The following COL16A1 variants were observed in gnomAD, a reference collection of about 807,000 sequenced individuals.
COL16A1 encodes collagen alpha-1(XVI) chain.
In COL16A1, 189 loss-of-function variants were observed where a neutral mutation model predicts 266.3. The ratio of observed to expected loss-of-function variants is 0.71; its 90% CI spans 0.63 to 0.80. COL16A1 has a LOEUF of 0.80. Among genes scored for constraint, COL16A1 ranks in the 30% least tolerant of loss-of-function variants. The probability of loss-of-function intolerance (pLI) is 0.00; values close to 1 mark genes in which losing one functional copy is unlikely to be tolerated. For missense variants in COL16A1, 1,928 were observed against 2,122.4 expected, an observed-to-expected ratio of 0.91 and a Z score of 1.80; for synonymous variants, 740 against 782.3, an observed-to-expected ratio of 0.95 and a Z score of 0.90.
At position 31,661,096 on chromosome 1, in the gene COL16A1, G is replaced by A. The variant is rs1332888217; in HGVS notation, c.3795C>T (p.Pro1265=). Residue 1265 remains proline, a synonymous_variant, in exon 61 of 71, where the codon CCC becomes CCT. Coordinates refer to ENST00000373672, the MANE Select transcript of COL16A1 (RefSeq NM_001856.4). ...GPKGDCGKPG[P]PGSTGRPGAE... The stretch of plus-strand genomic sequence containing the variant: ...CGCCAGGCCGGCCAGTGCTGCCAGG[G>A]GGACCTGGTTTGCCACAGTCACCCT... The A allele has an allele frequency of 6.4e-7, 1 of 1,565,776 alleles. No homozygotes were observed. The highest frequency in any genetic ancestry group is 1.2e-5 in the South Asian group (1 of 85,134).
At chr1:31,690,006 G>C in intron 22 of COL16A1, 155 bp from the exon 23 acceptor site, 1 of 655,894 alleles carries the variant, frequency 1.5e-6, no homozygotes, top group South Asian at 1.9e-5. Context: ...GGGGCTTCCT[G>C]TTCAACTGAC....
chr1:31,666,001 C>G (rs1364840190), intron 53 of COL16A1, 36 bp downstream of exon 53: 2 of 1,613,554 alleles, frequency 1.2e-6, no homozygotes, highest in Non-Finnish European at 1.7e-6. Context: ...CAGGACAAGA[C>G]CAGGACCACA....
At chr1:31,676,278 T>C (rs977515352) in intron 42 of COL16A1, among the ~76,000 whole-genome samples, 2 of 147,590 alleles carry the variant, frequency 1.4e-5, no homozygotes, top group South Asian at 2.1e-4. Flanking sequence ...TGAGCCAAGA[T>C]TACGCCACTA....
In COL16A1 at chr1:31,656,150, G is replaced by T; in HGVS notation, c.4101+250C>A. On this transcript the variant is annotated intron_variant, in intron 66 of 70. Transcript: ENST00000373672. The surrounding 1 kb of genome is among the most constrained non-coding windows in gnomAD (Gnocchi z 4.2). Reference sequence around the variant, plus strand: ...TGAGCAGGAGCAAGGGAGTGCTCGGGAAATGGAAACAATGAATGAATCAAT... The same window carrying T: ...TGAGCAGGAGCAAGGGAGTGCTCGGTAAATGGAAACAATGAATGAATCAAT... 1.6e-6 allele frequency: 1 copy of T among 615,876 alleles called. No individual in the cohort carries two copies. 38.2% of individuals were successfully genotyped at this position (615,876 alleles called of 1,614,324 possible). A position where few individuals can be genotyped will look rare whatever the true frequency, so the allele number is the denominator to read the frequency against.
Position 31,662,558 on chromosome 1 carries a change from T to C in COL16A1, c.3627+29A>G, listed in dbSNP as rs75845483. The C allele has an allele frequency of 1.9e-5, 30 of 1,558,258 alleles. No homozygotes were observed. The South Asian group carries it at 3.4e-4, about 18-fold the overall frequency. ...CACACATGCGCATGCATCGCACACG[T>C]CTGCCACGCTGAAAGGGCACACACT... On this transcript the variant is annotated intron_variant, in intron 57 of 70. Transcript: ENST00000373672.
In COL16A1 at chr1:31,657,239, C is replaced by T. The variant is rs1326572433; in HGVS notation, c.4021-171G>A. 1.4e-6 allele frequency: 1 copy of T among 720,450 alleles called. No individual in the cohort carries two copies. Among genetic ancestry groups the T allele is most frequent in the Non-Finnish European group, 2.4e-6 (1 of 422,024 alleles). The allele number at this position is 720,450 out of a possible 1,614,324, so 44.6% of individuals were successfully genotyped here. ...CAGGCCGTGGAAACTTAGACCCCCA[C>T]CCCATACTCCAGCGTGATCCCAGAG... On this transcript the variant is annotated intron_variant, in intron 64 of 70. Coordinates refer to ENST00000373672, the MANE Select transcript of COL16A1 (RefSeq NM_001856.4). This position sits in a 1 kb window ranked among gnomAD's most constrained non-coding sequence, Gnocchi z 6.4.
intron 53 of COL16A1, 50 bp downstream of exon 53, chr1:31,665,987 A>G (rs1553160575): frequency 6.2e-7 from 1 of 1,612,434 alleles, no homozygotes; most frequent in South Asian, 1.1e-5. Flanking sequence ...CTGCCCTCAG[A>G]CCCCAGGACA....
At position 31,666,099 on chromosome 1, in the gene COL16A1, C is replaced by A. The variant is rs773047986; in HGVS notation, c.3358-18G>T. 3.7e-6 allele frequency: 6 copies of A among 1,605,884 alleles called. No individual in the cohort carries two copies. The highest frequency in any genetic ancestry group is 1.7e-4 in the Middle Eastern group (1 of 6,006). On this transcript the variant is annotated intron_variant, in intron 52 of 70. Transcript: ENST00000373672. The stretch of plus-strand genomic sequence containing the variant: ...GGGGGGCCCTAAGGATACAAAGGAA[C>A]AGAATCAGTCACTCCTCCTGGGGAG...
At chr1:31,692,957 G>T in intron 13 of COL16A1, 135 bp downstream of exon 13, 1 of 955,650 alleles carries the variant, frequency 1.0e-6, no homozygotes, top group Non-Finnish European at 1.6e-6. Flanking sequence ...AAAGACCCTG[G>T]CCCTCACCCC....
At chr1:31,661,170 C>T in intron 60 of COL16A1, 51 bp from the exon 61 acceptor site, 1 of 1,546,254 alleles carries the variant, frequency 6.5e-7, no homozygotes, top group South Asian at 1.2e-5. Context: ...CTTGACATCC[C>T]TACCCCAAGT....
At chr1:31,660,548 C>T (rs991163950) in intron 62 of COL16A1, 37 bp downstream of exon 62, 5 of 1,612,410 alleles carry the variant, frequency 3.1e-6, no homozygotes, top group Non-Finnish European at 3.4e-6. Context: ...AAAATGCTAA[C>T]TCTTATGGAG....
rs1039581402 is a variant in COL16A1 at position 31,670,737 on chromosome 1, G to T, written c.3151-91C>A. 7 of 1,111,272 alleles carry T rather than the reference G, an allele frequency of 6.3e-6. No homozygotes were observed. The highest frequency in any genetic ancestry group is 7.2e-6 in the Non-Finnish European group (6 of 828,074). 68.8% of individuals were successfully genotyped at this position (1,111,272 alleles called of 1,614,324 possible). A position where few individuals can be genotyped will look rare whatever the true frequency, so the allele number is the denominator to read the frequency against. On this transcript the variant is annotated intron_variant, in intron 48 of 70. Coordinates refer to ENST00000373672, the MANE Select transcript of COL16A1 (RefSeq NM_001856.4). The surrounding 1 kb of genome is among the most constrained non-coding windows in gnomAD (Gnocchi z 4.5). ...CAGTCTGGGGCTTGGGGGTCATGGG[G>T]AGAGGAGGTCATGGGAGTATTTTCA...
At position 31,668,289 on chromosome 1, in the gene COL16A1, G is replaced by A; in HGVS notation, c.3250-71C>T. 1.3e-6 allele frequency: 2 copies of A among 1,523,226 alleles called. No homozygotes were observed. The highest frequency in any genetic ancestry group is 1.4e-5 in the African/African-American group (1 of 73,134). The allele number at this position is 1,523,226 out of a possible 1,614,324, so 94.4% of individuals were successfully genotyped here. A position where few individuals can be genotyped will look rare whatever the true frequency, so the allele number is the denominator to read the frequency against. On this transcript the variant is annotated intron_variant, in intron 50 of 70. Transcript: ENST00000373672. This position sits in a 1 kb window ranked among gnomAD's most constrained non-coding sequence, Gnocchi z 5.8. ...TTCTCCCCTCGCTGGGTAAGAGGAT[G>A]GCCAAAGCTAAAACCTCTGGGGCTG...
In COL16A1 at chr1:31,663,061, T is replaced by G; in HGVS notation, c.3556-403A>C. ...ACCTACCTCCCTACCTTTCCCCCCA[T>G]CCCAGCAGACATGGGCCCGGGCTGC... On this transcript the variant is annotated intron_variant, in intron 56 of 70. Coordinates refer to ENST00000373672, the MANE Select transcript of COL16A1 (RefSeq NM_001856.4). This position sits in a 1 kb window ranked among gnomAD's most constrained non-coding sequence, Gnocchi z 4.9. 4.0e-6 allele frequency: 1 copy of G among 247,926 alleles called. No homozygotes were observed. The highest frequency in any genetic ancestry group is 8.0e-6 in the Non-Finnish European group (1 of 124,894). 15.4% of individuals were successfully genotyped at this position (247,926 alleles called of 1,614,324 possible).
chr1:31,691,410 T>C lies in COL16A1; in HGVS notation c.1398+7A>G. 1 of 1,607,202 alleles carries C rather than the reference T, an allele frequency of 6.2e-7. No individual in the cohort carries two copies. Among genetic ancestry groups the C allele is most frequent in the South Asian group, 1.1e-5 (1 of 90,414 alleles). On this transcript the variant is annotated splice_region_variant and intron_variant, in intron 19 of 70. Coordinates refer to ENST00000373672, the MANE Select transcript of COL16A1 (RefSeq NM_001856.4). ...AAGCACAGCAGGAGAAGCAAGGGGG[T>C]ACTCACCGGGGTCCCAGGCAGTCCT...
chr1:31,688,469 T>G lies in COL16A1; in HGVS notation c.1801A>C (p.Lys601Gln). The change falls in exon 26 of 71, where the codon AAG becomes CAG. Residue 601 changes from lysine to glutamine, a missense_variant and splice_region_variant. This residue lies in a region of COL16A1 where 1,552 missense variants were observed against 1,637.2 expected (regional missense o/e 0.95). Coordinates refer to ENST00000373672, the MANE Select transcript of COL16A1 (RefSeq NM_001856.4). The surrounding 1 kb of genome is among the most constrained non-coding windows in gnomAD (Gnocchi z 4.9). ...CTGACATCTAACCCAGGTCTCACCT[T>G]CTCTCCTTTCAGCCCTGGAACCCCA... ...RAGVPGLKGE[K>Q]GNFGEAGPAG... The G allele has an allele frequency of 6.2e-7, 1 of 1,614,050 alleles. No individual in the cohort carries two copies. Among genetic ancestry groups the G allele is most frequent in the Non-Finnish European group, 8.5e-7 (1 of 1,180,020 alleles).
At chr1:31,662,011 T>A (rs993233593) in intron 58 of COL16A1, among the ~76,000 whole-genome samples, 5 of 152,198 alleles carry the variant, frequency 3.3e-5, no homozygotes, top group African/African-American at 1.2e-4. Context: ...AGTCCTTCCA[T>A]GTCCACACCC....
chr1:31,684,700 C>T, intron 30 of COL16A1, 70 bp from the exon 31 acceptor site: 2 of 1,607,316 alleles, frequency 1.2e-6, no homozygotes, highest in Non-Finnish European at 1.7e-6. Flanking sequence ...CTGGGACTCG[C>T]AGGCACTCAC....
chr1:31,699,808 T>C lies in COL16A1; in HGVS notation c.266+5A>G, dbSNP rs1392051723. The C allele has an allele frequency of 2.5e-6, 4 of 1,569,510 alleles. No individual in the cohort carries two copies. In the East Asian group the frequency reaches 6.7e-5, roughly 26 times the overall value. ...GATTCTCAGTGGTCACATGGATGCA[T>C]TTACCGCGTGGGCTGGGTCACGGGG... On this transcript the variant is annotated splice_donor_5th_base_variant and intron_variant, in intron 4 of 70. Transcript: ENST00000373672.
Sources: allele counts gnomAD v4.1 joint callset (sites outside exome capture counted in the v4.1 genomes callset), GRCh38; gene constraint gnomAD v4.1.1; regional missense constraint gnomAD v4.1.1; non-coding constraint Gnocchi (gnomAD v3.1); transcripts MANE v1.5; gene names NCBI Gene and HGNC (gene_info 2026-07-23, HGNC 2026-07-21).